NGLY1: variants seen among roughly 807,000 people sequenced by gnomAD.
The protein encoded by NGLY1 is peptide-N(4)-(N-acetyl-beta-glucosaminyl)asparagine amidase.
NGLY1 carries 68 observed loss-of-function variants against 84.6 expected under a neutral mutation model. That is an observed-to-expected ratio of 0.80 (90% CI 0.66 to 0.98). The LOEUF is 0.98. NGLY1 is among the 50% of genes least tolerant of loss of function. The pLI is 0.00. For synonymous variants in NGLY1, 280 were observed against 275.2 expected, an observed-to-expected ratio of 1.02 and a Z score of -0.17; for missense variants, 779 against 770.2, an observed-to-expected ratio of 1.01 and a Z score of -0.14.
intron 10 of NGLY1, among the ~76,000 whole-genome samples, chr3:25,725,276 G>C (rs902639081): frequency 1.3e-5 from 2 of 152,204 alleles, no homozygotes; most frequent in Non-Finnish European, 2.9e-5. Context: ...AGAACTTCTG[G>C]AGAGCTGATC....
At chr3:25,753,725 A>C (rs1213896311) in intron 3 of NGLY1, among the ~76,000 whole-genome samples, 1 of 152,192 alleles carries the variant, frequency 6.6e-6, no homozygotes, top group African/African-American at 2.4e-5. Context: ...TATAGAAAAA[A>C]AACTTCATCT....
intron 2 of NGLY1, 26 bp from the exon 3 acceptor site, chr3:25,764,337 T>A (rs572231319): frequency 3.1e-6 from 5 of 1,600,594 alleles, no homozygotes; most frequent in Non-Finnish European, 3.4e-6. Flanking sequence ...TTAAAAAAAA[T>A]GTGAACCTTT....
At chr3:25,746,009 T>TA (rs1706404988) in intron 4 of NGLY1, among the ~76,000 whole-genome samples, 1 of 152,234 alleles carries the variant, frequency 6.6e-6, no homozygotes, top group South Asian at 2.1e-4. Flanking sequence ...TTATTAGAAA[T>TA]ATGCTTTGTT....
At chr3:25,725,501 T>G (rs1460487191) in intron 10 of NGLY1, among the ~76,000 whole-genome samples, 1 of 152,178 alleles carries the variant, frequency 6.6e-6, no homozygotes, top group African/African-American at 2.4e-5. Flanking sequence ...AGCCAGTTGG[T>G]CAGAAGCACA....
In NGLY1 at chr3:25,760,204, G is replaced by A. The variant is rs146445891; in HGVS notation, c.492+3862C>T. Among the ~76,000 whole-genome samples the A allele has an allele frequency of 3.0e-4, 46 of 152,108 alleles. No individual in the cohort carries two copies. In the East Asian group the frequency reaches 8.5e-3, roughly 28 times the overall value. ...AAAGCACCCATAATTTCATCACTCAGAGTACATTATGGTTAAGATGTTTGT... is the reference window on the plus strand; with the variant it reads ...AAAGCACCCATAATTTCATCACTCAAAGTACATTATGGTTAAGATGTTTGT... On this transcript the variant is annotated intron_variant, in intron 3 of 11. Coordinates refer to ENST00000280700, the MANE Select transcript of NGLY1 (RefSeq NM_018297.4).
chr3:25,725,047 T>TA (rs1226409329), intron 10 of NGLY1, among the ~76,000 whole-genome samples: 1 of 152,216 alleles, frequency 6.6e-6, no homozygotes, highest in African/African-American at 2.4e-5. Context: ...TTATGGGTCA[T>TA]AAAACCCCTA....
intron 5 of NGLY1, among the ~76,000 whole-genome samples, chr3:25,737,994 G>A (rs1705930368): frequency 6.6e-6 from 1 of 152,122 alleles, no homozygotes; most frequent in Non-Finnish European, 1.5e-5. Flanking sequence ...TTAAATATAT[G>A]GCAGAATGTG....
At chr3:25,750,619 G>C (rs555221142) in intron 4 of NGLY1, among the ~76,000 whole-genome samples, 2 of 151,978 alleles carry the variant, frequency 1.3e-5, no homozygotes, top group South Asian at 2.1e-4. Flanking sequence ...AAATGGGTAA[G>C]ATGGTAAATT....
upstream of NGLY1, among the ~76,000 whole-genome samples, chr3:25,784,832 C>T (rs1317912028): frequency 6.6e-6 from 1 of 152,174 alleles, no homozygotes; most frequent in Non-Finnish European, 1.5e-5. Context: ...TTACTACCGT[C>T]TGTAACTAAA....
At chr3:25,731,877 T>C (rs968759973) in intron 9 of NGLY1, among the ~76,000 whole-genome samples, 30 of 152,098 alleles carry the variant, frequency 2.0e-4, no homozygotes, top group Non-Finnish European at 3.2e-4. Context: ...TAATATATGA[T>C]GTTAGAAGCC....
chr3:25,726,362 A>T (rs1406755411), intron 10 of NGLY1, among the ~76,000 whole-genome samples: 1 of 152,234 alleles, frequency 6.6e-6, no homozygotes, highest in East Asian at 1.9e-4. Flanking sequence ...TTACAATCTA[A>T]TGTAAACATT....
intron 4 of NGLY1, chr3:25,749,758 G>A: frequency 6.6e-7 from 1 of 1,504,664 alleles, no homozygotes; most frequent in South Asian, 1.1e-5. Flanking sequence ...TGCTGCTGAT[G>A]TGCAACAAAA....
chr3:25,789,752 T>A, intron 1 of NGLY1: 1 of 1,291,652 alleles, frequency 7.7e-7, no homozygotes, highest in Non-Finnish European at 1.1e-6. Flanking sequence ...CCTTAATTCT[T>A]TCTTACAATT....
At chr3:25,765,689 A>T (rs1178947641) in intron 2 of NGLY1, among the ~76,000 whole-genome samples, 1 of 152,164 alleles carries the variant, frequency 6.6e-6, no homozygotes, top group Non-Finnish European at 1.5e-5. Flanking sequence ...TAATTGCTAT[A>T]AAAAAGACAA....
intron 4 of NGLY1, among the ~76,000 whole-genome samples, chr3:25,744,571 T>C (rs929903334): frequency 6.6e-6 from 1 of 152,224 alleles, no homozygotes; most frequent in African/African-American, 2.4e-5. Flanking sequence ...GGGCAGAGAC[T>C]GATGGTGGCC....
rs972655047 is a variant in NGLY1 at position 25,732,627 on chromosome 3, G to T, written c.1261-144C>A. On this transcript the variant is annotated intron_variant, in intron 8 of 11. Coordinates refer to ENST00000280700, the MANE Select transcript of NGLY1 (RefSeq NM_018297.4). ...TTTATTTTCAAACATATATTATTCA[G>T]AAAATAAAAAGGACACTGTGGAAAA... is the stretch of plus-strand genomic sequence containing the variant. 5.6e-5 allele frequency: 31 copies of T among 553,142 alleles called. No homozygotes were observed. The African/African-American group carries it at 5.9e-4, about 11-fold the overall frequency. 34.3% of individuals were successfully genotyped at this position (553,142 alleles called of 1,614,324 possible). A position where few individuals can be genotyped will look rare whatever the true frequency, so the allele number is the denominator to read the frequency against.
intron 10 of NGLY1, among the ~76,000 whole-genome samples, chr3:25,727,740 AG>A (rs1705331091): frequency 6.6e-6 from 1 of 152,234 alleles, no homozygotes. Flanking sequence ...TATAAGACAA[AG>A]AAGAAATACT....
upstream of NGLY1, chr3:25,783,477 G>A (rs911446271): frequency 1.6e-5 from 21 of 1,322,510 alleles, no homozygotes; most frequent in Non-Finnish European, 2.0e-5. This position sits in a 1 kb window ranked among gnomAD's most constrained non-coding sequence, Gnocchi z 4.5. Context: ...AGCTACCGCA[G>A]CCACCGGCAG....
chr3:25,789,496 A>G (rs922718609), intron 1 of NGLY1, among the ~76,000 whole-genome samples: 31 of 152,210 alleles, frequency 2.0e-4, no homozygotes, highest in Admixed American at 7.2e-4. Context: ...GCAGACCTTT[A>G]AAGAATTATT....
Sources: allele counts gnomAD v4.1 joint callset (sites outside exome capture counted in the v4.1 genomes callset), GRCh38; gene constraint gnomAD v4.1.1; non-coding constraint Gnocchi (gnomAD v3.1); transcripts MANE v1.5; gene names NCBI Gene and HGNC (gene_info 2026-07-23, HGNC 2026-07-21).